The following SGPP2 variants were observed in gnomAD, a reference collection of about 807,000 sequenced individuals.
The protein encoded by SGPP2 is sphingosine-1-phosphate phosphatase 2, also known as sphingosine 1-phosphate phosphohydrolase 2.
Under a neutral mutation model 33.9 loss-of-function variants are expected in SGPP2, and 30 were observed. The ratio of observed to expected loss-of-function variants is 0.89; its 90% CI spans 0.66 to 1.20. The LOEUF is 1.20. SGPP2 is among the 50% of genes most tolerant of loss of function. The probability of loss-of-function intolerance (pLI) is 0.00; values close to 1 mark genes in which losing one functional copy is unlikely to be tolerated. For synonymous variants in SGPP2, 233 were observed against 225.0 expected (o/e 1.04, Z -0.32); for missense variants, 458 against 532.1 (o/e 0.86, Z 1.37).
chr2:222,509,654 G>T (rs766882558), intron 2 of SGPP2, among the ~76,000 whole-genome samples: 1 of 152,178 alleles, frequency 6.6e-6, no homozygotes, highest in Non-Finnish European at 1.5e-5. Context: ...AAATCAATAT[G>T]TGAAGGCATT....
chr2:222,502,220 A>G (rs1429658040), intron 2 of SGPP2, among the ~76,000 whole-genome samples: 2 of 152,234 alleles, frequency 1.3e-5, no homozygotes, highest in Non-Finnish European at 2.9e-5. Context: ...TGAGAAAATT[A>G]CGTAAGTTTA....
At chr2:222,495,428 T>TA (rs879566584) in intron 2 of SGPP2, among the ~76,000 whole-genome samples, 201 of 151,440 alleles carry the variant, frequency 1.3e-3, no homozygotes, top group African/African-American at 3.5e-3. Context: ...AAATAAAAAT[T>TA]AAAAAAAAAT....
intron 3 of SGPP2, among the ~76,000 whole-genome samples, chr2:222,523,121 T>A (rs1446042109): frequency 1.3e-5 from 2 of 152,240 alleles, no homozygotes; most frequent in Non-Finnish European, 2.9e-5. Context: ...TCAAGCCTCA[T>A]GTAGCTGGAA....
At chr2:222,464,244 G>T (rs548657451) in intron 1 of SGPP2, among the ~76,000 whole-genome samples, 66 of 152,316 alleles carry the variant, frequency 4.3e-4, no homozygotes, top group African/African-American at 1.5e-3. Context: ...TTAAAGGGCA[G>T]CTGGCTCTCC....
chr2:222,494,488 C>T (rs1278348220), intron 2 of SGPP2, among the ~76,000 whole-genome samples: 2 of 152,194 alleles, frequency 1.3e-5, no homozygotes, highest in African/African-American at 4.8e-5. Context: ...GAGGAGGCAG[C>T]GGTGGTCTCC....
chr2:222,521,409 C>T (rs543085337), intron 2 of SGPP2, among the ~76,000 whole-genome samples: 1 of 152,282 alleles, frequency 6.6e-6, no homozygotes, highest in African/African-American at 2.4e-5. Flanking sequence ...ATGGTTTACT[C>T]ATCTGTAAAA....
At chr2:222,543,889 G>T (rs1216873542) in intron 4 of SGPP2, among the ~76,000 whole-genome samples, 1 of 152,078 alleles carries the variant, frequency 6.6e-6, no homozygotes, top group Non-Finnish European at 1.5e-5. Context: ...TTTTTCTTGG[G>T]ATTAAATTGA....
intron 2 of SGPP2, among the ~76,000 whole-genome samples, chr2:222,492,574 A>G (rs527853465): frequency 6.6e-6 from 1 of 152,356 alleles, no homozygotes; most frequent in East Asian, 1.9e-4. Context: ...TTTTCCTCCT[A>G]GGCCTCTGGG....
intron 1 of SGPP2, among the ~76,000 whole-genome samples, chr2:222,449,364 C>T (rs991561558): frequency 2.0e-5 from 3 of 152,184 alleles, no homozygotes; most frequent in Non-Finnish European, 2.9e-5. Context: ...GACTGAAAAG[C>T]CCACCTGGGC....
intron 1 of SGPP2, among the ~76,000 whole-genome samples, chr2:222,430,494 A>G (rs1321327148): frequency 6.6e-6 from 1 of 151,990 alleles, no homozygotes; most frequent in Non-Finnish European, 1.5e-5. Context: ...TTCTTTTTTG[A>G]AAAAAATAGA....
At chr2:222,503,036 C>A (rs1366068942) in intron 2 of SGPP2, among the ~76,000 whole-genome samples, 2 of 152,146 alleles carry the variant, frequency 1.3e-5, no homozygotes, top group African/African-American at 4.8e-5. Flanking sequence ...AGAAAAGTTA[C>A]CCATTCTGAG....
At chr2:222,522,957 A>G (rs1698709148) in intron 3 of SGPP2, among the ~76,000 whole-genome samples, 1 of 152,240 alleles carries the variant, frequency 6.6e-6, no homozygotes, top group East Asian at 1.9e-4. Context: ...CACTGGGATT[A>G]CAGGCATGAG....
intron 2 of SGPP2, among the ~76,000 whole-genome samples, chr2:222,489,878 T>A (rs970396054): frequency 6.6e-6 from 1 of 152,042 alleles, no homozygotes; most frequent in African/African-American, 2.4e-5. Context: ...GGCAGGAGAA[T>A]CACTTGAACC....
chr2:222,475,450 T>A (rs552677283), intron 2 of SGPP2, among the ~76,000 whole-genome samples: 33 of 152,240 alleles, frequency 2.2e-4, no homozygotes, highest in African/African-American at 7.9e-4. Context: ...TGGTATGAAA[T>A]GCATCCTCCC....
chr2:222,497,640 A>G (rs1249535036), intron 2 of SGPP2, among the ~76,000 whole-genome samples: 2 of 152,216 alleles, frequency 1.3e-5, no homozygotes, highest in African/African-American at 4.8e-5. Context: ...GCAAGGGCCT[A>G]CTATGTGCTA....
rs1553532225 is a variant in SGPP2, at chr2:222,435,028, G to GTATATATATGTGTATATATATACACA, written c.219+10208_219+10233dup. 7.5e-3 allele frequency among the ~76,000 whole-genome samples: 1,058 copies of GTATATATATGTGTATATATATACACA among 140,544 alleles called. 22 individuals are homozygous for GTATATATATGTGTATATATATACACA. Among genetic ancestry groups the GTATATATATGTGTATATATATACACA allele is most frequent in the African/African-American group, 0.026 (973 of 36,764 alleles). The allele number at this position is 140,544 out of a possible 152,430, so 92.2% of individuals were successfully genotyped here. On this transcript the variant is annotated intron_variant, in intron 1 of 4. Transcript: ENST00000321276. Reference sequence around the variant, plus strand: ...CACACACACATATGTGTATATGTGTGTATATATATGTGTATATATATACAC... The same window carrying GTATATATATGTGTATATATATACACA: ...CACACACACATATGTGTATATGTGTGTATATATATGTGTATATATATACACATATATATATGTGTATATATATACAC...
intron 1 of SGPP2, among the ~76,000 whole-genome samples, chr2:222,447,535 C>T (rs1410888163): frequency 3.3e-5 from 5 of 152,004 alleles, no homozygotes; most frequent in Admixed American, 6.6e-5. Flanking sequence ...GCCGAGGATC[C>T]ATAATAAAAG....
chr2:222,448,783 C>T (rs912184265), intron 1 of SGPP2, among the ~76,000 whole-genome samples: 1 of 152,134 alleles, frequency 6.6e-6, no homozygotes, highest in Admixed American at 6.5e-5. Flanking sequence ...TGAAGCACAG[C>T]ATGCTCAAAA....
intron 2 of SGPP2, among the ~76,000 whole-genome samples, chr2:222,507,305 A>G (rs115443353): frequency 0.02 from 3,054 of 152,230 alleles, 71 homozygotes; most frequent in African/African-American, 0.069. Flanking sequence ...TTAGTAATCA[A>G]TCGGTCAAAA....
Sources: allele counts gnomAD v4.1 joint callset (sites outside exome capture counted in the v4.1 genomes callset), GRCh38; gene constraint gnomAD v4.1.1; transcripts MANE v1.5; gene names NCBI Gene and HGNC (gene_info 2026-07-23, HGNC 2026-07-21).